The following INPP5F variants were observed in gnomAD, a reference collection of about 807,000 sequenced individuals.
The protein encoded by INPP5F is phosphatidylinositide 4-phosphatase SAC2.
Under a neutral mutation model 137.2 loss-of-function variants are expected in INPP5F, and 97 were observed. The ratio of observed to expected loss-of-function variants is 0.71; its 90% CI spans 0.60 to 0.84. INPP5F has a LOEUF of 0.84. INPP5F is among the 40% of genes least tolerant of loss of function. INPP5F has a pLI of 0.00. For missense variants in INPP5F, 1,271 were observed against 1,371.9 expected (o/e 0.93, Z 1.16); for synonymous variants, 504 against 476.9 (o/e 1.06, Z -0.74).
chr10:119,793,536 A>AAGT (rs35264719), intron 6 of INPP5F: 7,877 of 152,326 alleles, frequency 0.052, 322 homozygotes, highest in South Asian at 0.26. Flanking sequence ...ATAAGAGAGA[A>AAGT]AGGACAAAGA....
chr10:119,805,487 T>A, intron 11 of INPP5F, 26 bp downstream of exon 11: 1 of 1,449,968 alleles, frequency 6.9e-7, no homozygotes, highest in Non-Finnish European at 9.7e-7. Flanking sequence ...GAACTCCTTT[T>A]TACAGACTCT....
chr10:119,740,035 T>A (rs1443628048), intron 1 of INPP5F, among the ~76,000 whole-genome samples: 1 of 45,740 alleles, frequency 2.2e-5, no homozygotes, highest in Non-Finnish European at 5.7e-5. Context: ...CTTTTCTTAA[T>A]TTTTTTCCCC....
At chr10:119,824,686 G>A (rs952674592) in intron 19 of INPP5F, among the ~76,000 whole-genome samples, 2 of 152,124 alleles carry the variant, frequency 1.3e-5, no homozygotes, top group African/African-American at 2.4e-5. Flanking sequence ...TTGTTTCTGT[G>A]TAAACCTAAG....
At chr10:119,795,095 C>A (rs1477458277) in intron 6 of INPP5F, among the ~76,000 whole-genome samples, 31 of 142,514 alleles carry the variant, frequency 2.2e-4, no homozygotes, top group African/African-American at 7.8e-4. Context: ...CCACCTCCCT[C>A]CCTCCCGGAC....
At chr10:119,765,765 G>A (rs899364347) in intron 2 of INPP5F, among the ~76,000 whole-genome samples, 2 of 148,274 alleles carry the variant, frequency 1.3e-5, no homozygotes, top group Non-Finnish European at 3.0e-5. Context: ...GTGTGTGTGT[G>A]TGTGTGTGTG....
rs575268167 is a variant in INPP5F at position 119,744,215 on chromosome 10, A to C, written c.98-6861A>C. 1.2e-4 allele frequency among the ~76,000 whole-genome samples: 19 copies of C among 152,294 alleles called. No homozygotes were observed. In the South Asian group the frequency reaches 3.9e-3, roughly 32 times the overall value. On this transcript the variant is annotated intron_variant, in intron 1 of 19. Transcript: ENST00000650623. ...CCCCCCCTTTTTCTTGACAACACTGAGTTAAAAAATATACATGCATTTCAA... is the reference window on the plus strand; with the variant it reads ...CCCCCCCTTTTTCTTGACAACACTGCGTTAAAAAATATACATGCATTTCAA...
intron 3 of INPP5F, among the ~76,000 whole-genome samples, chr10:119,790,816 A>G (rs1258447941): frequency 6.6e-6 from 1 of 152,228 alleles, no homozygotes; most frequent in Non-Finnish European, 1.5e-5. Flanking sequence ...AACTTTAATC[A>G]GGTAGCCTTC....
intron 19 of INPP5F, chr10:119,825,910 C>T: frequency 2.5e-6 from 1 of 398,408 alleles, no homozygotes. Flanking sequence ...CACACTGAGA[C>T]ATTTGTGGCA....
intron 1 of INPP5F, among the ~76,000 whole-genome samples, chr10:119,743,059 A>G (rs771966269): frequency 3.9e-5 from 6 of 152,210 alleles, no homozygotes; most frequent in Non-Finnish European, 7.3e-5. Flanking sequence ...GATGTTAACA[A>G]GCTGTGCAGT....
At chr10:119,769,516 A>G (rs924594486) in intron 2 of INPP5F, among the ~76,000 whole-genome samples, 5 of 152,148 alleles carry the variant, frequency 3.3e-5, no homozygotes, top group African/African-American at 7.2e-5. Context: ...CATGTGTGTG[A>G]GGGTGTTTCC....
At chr10:119,754,832 C>T (rs1195845368) in intron 2 of INPP5F, among the ~76,000 whole-genome samples, 1 of 152,070 alleles carries the variant, frequency 6.6e-6, no homozygotes, top group Non-Finnish European at 1.5e-5. Flanking sequence ...AAAGCTCTTG[C>T]CCTGGGTCAG....
At position 119,827,234 on chromosome 10, in the gene INPP5F, C is replaced by T. The variant is rs772339089; in HGVS notation, c.2853C>T (p.Gly951=). ...PSAGDVHILT[G]FAKPMDIYCH... ...CTGGCGACGTACACATATTGACTGG[C>T]TTTGCCAAGCCTATGGATATTTACT... is the stretch of plus-strand genomic sequence containing the variant. The change falls in exon 20 of 20, where the codon GGC becomes GGT. Residue 951 remains glycine (G), a synonymous_variant. Coordinates refer to ENST00000650623, the MANE Select transcript of INPP5F (RefSeq NM_014937.4). The T allele has an allele frequency of 1.1e-5, 18 of 1,613,992 alleles. No homozygotes were observed. The highest frequency in any genetic ancestry group is 1.3e-5 in the African/African-American group (1 of 74,908).
chr10:119,805,560 T>G (rs1034112390), intron 11 of INPP5F, 99 bp downstream of exon 11: 1 of 812,086 alleles, frequency 1.2e-6, no homozygotes, highest in South Asian at 1.6e-5. Flanking sequence ...ACAGCATTTT[T>G]TTTTGTTCGT....
chr10:119,758,392 C>T (rs1022071459), intron 2 of INPP5F, among the ~76,000 whole-genome samples: 13 of 152,072 alleles, frequency 8.5e-5, no homozygotes, highest in Non-Finnish European at 1.5e-4. Flanking sequence ...TGGCAGAGTA[C>T]GCAGCTGTGC....
chr10:119,825,392 TGGC>T (rs1318109383), intron 19 of INPP5F, among the ~76,000 whole-genome samples: 2 of 152,208 alleles, frequency 1.3e-5, no homozygotes, highest in South Asian at 2.1e-4. Flanking sequence ...TTGAGTGATA[TGGC>T]ATTTAAAATA....
chr10:119,786,236 G>A (rs1358901500), intron 3 of INPP5F, among the ~76,000 whole-genome samples: 1 of 152,178 alleles, frequency 6.6e-6, no homozygotes, highest in African/African-American at 2.4e-5. Flanking sequence ...TTGTGGCTGT[G>A]GTGTTGTCTT....
intron 1 of INPP5F, among the ~76,000 whole-genome samples, chr10:119,743,454 T>C (rs538120683): frequency 2.0e-5 from 3 of 151,980 alleles, no homozygotes; most frequent in Non-Finnish European, 4.4e-5. Flanking sequence ...GATGGGAATA[T>C]GCACAGGGTT....
chr10:119,810,566 A>G (rs1850991414), intron 14 of INPP5F, among the ~76,000 whole-genome samples: 1 of 152,218 alleles, frequency 6.6e-6, no homozygotes, highest in Non-Finnish European at 1.5e-5. Flanking sequence ...CTCAAGGCTG[A>G]GCAATGTAAC....
At chr10:119,799,614 T>C (rs1365793197) in intron 9 of INPP5F, among the ~76,000 whole-genome samples, 1 of 152,208 alleles carries the variant, frequency 6.6e-6, no homozygotes, top group Non-Finnish European at 1.5e-5. Flanking sequence ...GGTTTTGAAA[T>C]AACTCTCACA....
Sources: allele counts gnomAD v4.1 joint callset (sites outside exome capture counted in the v4.1 genomes callset), GRCh38; gene constraint gnomAD v4.1.1; transcripts MANE v1.5; gene names NCBI Gene and HGNC (gene_info 2026-07-23, HGNC 2026-07-21).